The following MICAL3 variants were observed in gnomAD, a reference collection of about 807,000 sequenced individuals.
The protein encoded by MICAL3 is [F-actin]-monooxygenase MICAL3.
A neutral mutation model predicts 207.4 loss-of-function variants in MICAL3; 62 were observed. The observed-to-expected ratio is 0.30, with a 90% CI of 0.24 to 0.37. MICAL3 has a LOEUF of 0.37. MICAL3 is among the 10% of genes least tolerant of loss of function. The pLI, the probability that MICAL3 is intolerant of heterozygous loss-of-function variation, is 1.00. For missense variants in MICAL3, 2,368 were observed against 2,635.6 expected, an observed-to-expected ratio of 0.90 and a Z score of 2.22; for synonymous variants, 1,077 against 1,069.3, an observed-to-expected ratio of 1.01 and a Z score of -0.14.
In MICAL3 at chr22:17,891,465, A is replaced by G. The variant is rs761346196; in HGVS notation, c.1694+20T>C. 5.6e-6 allele frequency: 9 copies of G among 1,612,880 alleles called. No individual in the cohort carries two copies. The South Asian group carries it at 8.8e-5, about 16-fold the overall frequency. ...ATCCTTGAGGAGTATAAAAAAACACAAAGTTTGATCACAACTTACATCAGG... is the reference window on the plus strand; with the variant it reads ...ATCCTTGAGGAGTATAAAAAAACACGAAGTTTGATCACAACTTACATCAGG... On this transcript the variant is annotated intron_variant, in intron 12 of 31. Transcript: ENST00000441493.
At position 17,817,492 on chromosome 22, in the gene MICAL3, C is replaced by T. The variant is rs761849307; in HGVS notation, c.5169G>A (p.Lys1723=). 1.2e-6 allele frequency: 2 copies of T among 1,613,774 alleles called. No homozygotes were observed. Among genetic ancestry groups the T allele is most frequent in the East Asian group, 4.5e-5 (2 of 44,886 alleles). Reference sequence around the variant, plus strand: ...CTTCTTCTAGGAGGTTGGAGCTGGGCTTCTCCGGGGGCCGGCCCTCGCCTT... The same window carrying T: ...CTTCTTCTAGGAGGTTGGAGCTGGGTTTCTCCGGGGGCCGGCCCTCGCCTT... ...KSKGEGRPPE[K]PSSNLLEEAA... Residue 1723 remains lysine, a synonymous_variant, in exon 26 of 32, where the codon AAG becomes AAA. Transcript: ENST00000441493.
At chr22:17,790,971 C>T in intron 31 of MICAL3, 27 bp downstream of exon 31, 3 of 1,612,872 alleles carry the variant, frequency 1.9e-6, no homozygotes, top group Non-Finnish European at 2.5e-6. Flanking sequence ...CCCACCCTGG[C>T]CTCCATGGGT....
intron 5 of MICAL3, among the ~76,000 whole-genome samples, chr22:17,901,318 A>G (rs1424601694): frequency 6.6e-6 from 1 of 152,182 alleles, no homozygotes; most frequent in East Asian, 1.9e-4. Context: ...ATTAAGTCCT[A>G]CAGGTGCCAG....
At position 17,888,570 on chromosome 22, in the gene MICAL3, C is replaced by T. The variant is rs9617635; in HGVS notation, c.1891+464G>A. ...TCCGGTGCTCAACAATGCAGAAAAG[C>T]AAGTGCATGAGAGATGGGAACTGAG... On this transcript the variant is annotated intron_variant, in intron 13 of 31. Transcript: ENST00000441493. Among the ~76,000 whole-genome samples, 606 of 152,242 alleles carry T rather than the reference C, an allele frequency of 4.0e-3. 6 individuals are homozygous for T. Among genetic ancestry groups the T allele is most frequent in the African/African-American group, 0.014 (596 of 41,530 alleles).
chr22:17,959,928 C>G (rs919695818), intron 1 of MICAL3, among the ~76,000 whole-genome samples: 1 of 152,206 alleles, frequency 6.6e-6, no homozygotes, highest in African/African-American at 2.4e-5. Flanking sequence ...GGACGAAAAG[C>G]TCATGATACC....
At chr22:17,797,005 A>AC (rs2061883431) in intron 29 of MICAL3, among the ~76,000 whole-genome samples, 1 of 152,054 alleles carries the variant, frequency 6.6e-6, no homozygotes, top group South Asian at 2.1e-4. Flanking sequence ...AAGACTCTTC[A>AC]CCTTGGCACA....
Position 17,816,695 on chromosome 22 carries a change from G to A in MICAL3, c.5440C>T (p.Arg1814Ter). ...VLEKSSQKSRREPRTYTEEEL... is the reference protein window; with the variant it reads ...VLEKSSQKSR ...CCCCCTGCCTGACTACCCACCTCTC[G>A]CCGGGACTTCTGTGAGGACTTCTCA... is the stretch of plus-strand genomic sequence containing the variant. Residue 1814 changes from arginine to a stop codon, truncating the protein, a stop_gained, in exon 27 of 32, where the codon CGA (arginine) becomes TGA (stop). Transcript: ENST00000441493. LOFTEE classifies it high-confidence loss of function. The A allele has an allele frequency of 1.3e-6, 2 of 1,552,358 alleles. No individual in the cohort carries two copies. Among genetic ancestry groups the A allele is most frequent in the East Asian group, 2.4e-5 (1 of 41,028 alleles).
intron 16 of MICAL3, chr22:17,884,128 C>G: frequency 1.8e-6 from 1 of 546,520 alleles, no homozygotes; most frequent in Non-Finnish European, 3.2e-6. Context: ...TCAATGTTTT[C>G]CCAGAGCTAC....
At chr22:17,826,015 C>G (rs1001731761) in intron 22 of MICAL3, among the ~76,000 whole-genome samples, 7 of 152,226 alleles carry the variant, frequency 4.6e-5, no homozygotes, top group African/African-American at 1.4e-4. Context: ...GCTCTTCCCT[C>G]TCCACCATCA....
chr22:17,980,700 G>GT (rs2146436268), intron 1 of MICAL3, among the ~76,000 whole-genome samples: 1 of 152,344 alleles, frequency 6.6e-6, no homozygotes, highest in South Asian at 2.1e-4. Flanking sequence ...ACGAGCAGCT[G>GT]TGCACTCCAG....
chr22:17,835,516 C>G (rs1192223278), intron 20 of MICAL3, among the ~76,000 whole-genome samples: 1 of 151,186 alleles, frequency 6.6e-6, no homozygotes, highest in Admixed American at 6.5e-5. Context: ...TACCTCGAGG[C>G]TCCCAGCACC....
At position 17,818,440 on chromosome 22, in the gene MICAL3, C is replaced by A. The variant is rs781491482; in HGVS notation, c.4221G>T (p.Pro1407=). 6.2e-7 allele frequency: 1 copy of A among 1,612,792 alleles called. No individual in the cohort carries two copies. Among genetic ancestry groups the A allele is most frequent in the Non-Finnish European group, 8.5e-7 (1 of 1,179,884 alleles). ...GGGCGCTGCGTAGCTCTCTGTCGGACGGGGACCGGGGGGTTGGCAGGGACA... is the reference window on the plus strand; with the variant it reads ...GGGCGCTGCGTAGCTCTCTGTCGGAAGGGGACCGGGGGGTTGGCAGGGACA... ...EPLSLPTPRS[P]SDRELRSAQE... Residue 1407 remains proline, a synonymous_variant, in exon 26 of 32, where the codon CCG becomes CCT. Transcript: ENST00000441493.
intron 1 of MICAL3, among the ~76,000 whole-genome samples, chr22:18,014,579 T>C (rs191998586): frequency 6.6e-6 from 1 of 152,360 alleles, no homozygotes; most frequent in Non-Finnish European, 1.5e-5. Flanking sequence ...CATACCCTTC[T>C]TTCCCCTAGG....
At chr22:17,798,968 C>T (rs968027761) in intron 29 of MICAL3, among the ~76,000 whole-genome samples, 3 of 152,028 alleles carry the variant, frequency 2.0e-5, no homozygotes, top group Non-Finnish European at 2.9e-5. Context: ...CCACCGTGCC[C>T]GGCCAGAGCA....
intron 3 of MICAL3, 98 bp downstream of exon 3, chr22:17,904,534 T>G (rs1931573923): frequency 1.1e-6 from 1 of 890,280 alleles, no homozygotes; most frequent in Admixed American, 1.7e-5. Context: ...AGAAATTGGG[T>G]GGCATATGAA....
chr22:17,914,766 TA>T (rs1200829171), intron 1 of MICAL3, among the ~76,000 whole-genome samples: 1 of 152,262 alleles, frequency 6.6e-6, no homozygotes, highest in African/African-American at 2.4e-5. Flanking sequence ...TAATTCTTCT[TA>T]CTGGCTGCCA....
intron 1 of MICAL3, among the ~76,000 whole-genome samples, chr22:17,926,074 C>T (rs994716215): frequency 6.6e-6 from 1 of 152,218 alleles, no homozygotes; most frequent in African/African-American, 2.4e-5. Flanking sequence ...TGTCTTTCAT[C>T]TTGACCTTGA....
intron 1 of MICAL3, among the ~76,000 whole-genome samples, chr22:17,937,143 G>A (rs1436168362): frequency 1.3e-5 from 2 of 152,128 alleles, no homozygotes; most frequent in African/African-American, 2.4e-5. Flanking sequence ...ATCCTGAGTC[G>A]CACAGCAAGC....
At chr22:17,884,054 C>T (rs1929654108) in intron 16 of MICAL3, among the ~76,000 whole-genome samples, 2 of 152,226 alleles carry the variant, frequency 1.3e-5, no homozygotes, top group Admixed American at 6.5e-5. Context: ...TCAACAGTCT[C>T]CCTTTTAACT....
Sources: allele counts gnomAD v4.1 joint callset (sites outside exome capture counted in the v4.1 genomes callset), GRCh38; gene constraint gnomAD v4.1.1; transcripts MANE v1.5; gene names NCBI Gene and HGNC (gene_info 2026-07-23, HGNC 2026-07-21).